Variants in ITGB1 observed in about 807,000 individuals in gnomAD.
ITGB1 encodes integrin beta-1.
Under a neutral mutation model 86.5 loss-of-function variants are expected in ITGB1, and 24 were observed. The observed-to-expected ratio is 0.28, with a 90% confidence interval of 0.20 to 0.39. ITGB1 has a LOEUF of 0.39. Ranked by LOEUF, ITGB1 falls within the 10% of genes least tolerant of loss-of-function variation. The pLI is 1.00. For synonymous variants in ITGB1, 323 were observed against 316.8 expected (o/e 1.02, Z -0.21); for missense variants, 556 against 946.9 (o/e 0.59, Z 5.42).
At chr10:32,908,721 A>AT (rs1010459809) in intron 14 of ITGB1, among the ~76,000 whole-genome samples, 187 bp from the exon 15 acceptor site, 59 of 151,988 alleles carry the variant, frequency 3.9e-4, no homozygotes, top group Non-Finnish European at 6.5e-4. Context: ...AAAATCATGT[A>AT]TTTTTCTATA....
intron 1 of ITGB1, among the ~76,000 whole-genome samples, chr10:32,946,762 G>A (rs1259362246): frequency 3.6e-5 from 2 of 55,246 alleles, no homozygotes; most frequent in South Asian, 1.2e-3. Context: ...GGGGGGGGGG[G>A]GGATTATTTT....
At chr10:32,919,093 G>A (rs558765748) in intron 11 of ITGB1, among the ~76,000 whole-genome samples, 423 of 152,298 alleles carry the variant, frequency 2.8e-3, no homozygotes, top group South Asian at 9.3e-3. Flanking sequence ...GTACAACATG[G>A]AAGATAAAGA....
chr10:32,921,163 CAAA>C (rs5784312), intron 9 of ITGB1, among the ~76,000 whole-genome samples: 1 of 121,820 alleles, frequency 8.2e-6, no homozygotes, highest in Non-Finnish European at 1.7e-5. Flanking sequence ...GTAGCCCAGC[CAAA>C]AAAAAAAAAA....
intron 1 of ITGB1, among the ~76,000 whole-genome samples, chr10:32,941,441 A>C (rs1161943969): frequency 6.6e-6 from 1 of 152,252 alleles, no homozygotes; most frequent in Non-Finnish European, 1.5e-5. Flanking sequence ...GCCAAAAGGA[A>C]TCTTGAAGTA....
chr10:32,946,597 C>T (rs1033021126), intron 1 of ITGB1, among the ~76,000 whole-genome samples: 1 of 152,102 alleles, frequency 6.6e-6, no homozygotes, highest in African/African-American at 2.4e-5. Flanking sequence ...ACCTGACCAT[C>T]TTCCACAGCA....
In ITGB1 at chr10:32,923,594, G is replaced by C; in HGVS notation, c.933C>G (p.Ser311Arg). 6.2e-7 allele frequency: 1 copy of C among 1,610,954 alleles called. No individual in the cohort carries two copies. Among genetic ancestry groups the C allele is most frequent in the Non-Finnish European group, 8.5e-7 (1 of 1,178,390 alleles). Residue 311 changes from serine (S) to arginine (R), a missense_variant, in exon 7 of 16, where the codon AGC becomes AGG. Physicochemically the swap from Ser to Arg is moderately radical, Grantham distance 110 (BLOSUM62 -1). This residue lies in a region of ITGB1 where 330 missense variants were observed against 531.5 expected (regional missense o/e 0.62). Coordinates refer to ENST00000302278, the MANE Select transcript of ITGB1 (RefSeq NM_002211.4). ...CHLENNMYTMSHYYDYPSIAH... is the reference protein window; with the variant it reads ...CHLENNMYTMRHYYDYPSIAH... The stretch of plus-strand genomic sequence containing the variant: ...GGAACCAGGCACTTACATAATAATG[G>C]CTCATTGTGTACATATTATTTTCCA...
chr10:32,919,996 T>A lies in ITGB1; in HGVS notation c.1358A>T (p.Glu453Val), dbSNP rs199980084. 1.2e-6 allele frequency: 2 copies of A among 1,613,872 alleles called. No homozygotes were observed. The highest frequency in any genetic ancestry group is 1.7e-6 in the Non-Finnish European group (2 of 1,179,872). The change falls in exon 11 of 16, where the codon GAA becomes GTA. Residue 453 changes from glutamate (E) to valine (V), a missense_variant. Coordinates refer to ENST00000302278, the MANE Select transcript of ITGB1 (RefSeq NM_002211.4). ...GATGTACTGAAGAATAACCTCTACTTCCTCCGTAAAGCCCAGAGGCCTAAT... is the reference window on the plus strand; with the variant it reads ...GATGTACTGAAGAATAACCTCTACTACCTCCGTAAAGCCCAGAGGCCTAAT... ...FKIRPLGFTE[E>V]VEVILQYICE...
intron 1 of ITGB1, among the ~76,000 whole-genome samples, chr10:32,948,032 A>G (rs2095035446): frequency 1.3e-5 from 2 of 151,730 alleles, no homozygotes; most frequent in Admixed American, 6.6e-5. Context: ...AATTGTAATT[A>G]TAACCAGAAA....
At chr10:32,953,267 TA>T (rs2095046062) in intron 1 of ITGB1, among the ~76,000 whole-genome samples, 1 of 152,218 alleles carries the variant, frequency 6.6e-6, no homozygotes, top group South Asian at 2.1e-4. Context: ...GTACATTGTA[TA>T]AAACACTCTT....
intron 3 of ITGB1, 62 bp from the exon 4 acceptor site, chr10:32,930,106 A>G (rs986735109): frequency 6.6e-6 from 5 of 758,670 alleles, no homozygotes; most frequent in East Asian, 2.5e-5. Flanking sequence ...TTTTTACATA[A>G]TAATTGCAAA....
At chr10:32,902,564 T>C (rs2094884633) in intron 15 of ITGB1, among the ~76,000 whole-genome samples, 2 of 152,150 alleles carry the variant, frequency 1.3e-5, no homozygotes, top group South Asian at 4.1e-4. Flanking sequence ...TTACAGTGAG[T>C]ACAAATAAAA....
At chr10:32,947,057 G>A (rs79551885) in intron 1 of ITGB1, among the ~76,000 whole-genome samples, 1 of 151,894 alleles carries the variant, frequency 6.6e-6, no homozygotes, top group South Asian at 2.1e-4. Context: ...TGGCCAGGCT[G>A]GTCTCAAACT....
At chr10:32,929,544 T>C (rs184606561) in intron 4 of ITGB1, among the ~76,000 whole-genome samples, 38 of 152,318 alleles carry the variant, frequency 2.5e-4, no homozygotes, top group African/African-American at 8.4e-4. Flanking sequence ...GGATGAACAC[T>C]TTCATTTTTA....
intron 1 of ITGB1, among the ~76,000 whole-genome samples, chr10:32,946,554 G>A (rs2095031592): frequency 6.6e-6 from 1 of 152,098 alleles, no homozygotes; most frequent in South Asian, 2.1e-4. Context: ...TGACCTGGTA[G>A]GAGAAGTGGG....
At chr10:32,923,825 G>GT in intron 6 of ITGB1, 85 bp from the exon 7 acceptor site, 2 of 1,109,502 alleles carry the variant, frequency 1.8e-6, no homozygotes, top group Non-Finnish European at 2.6e-6. Flanking sequence ...GGCCACCATT[G>GT]TATTTTTAAC....
chr10:32,921,780 T>C (rs983864845), intron 9 of ITGB1, among the ~76,000 whole-genome samples: 3 of 152,130 alleles, frequency 2.0e-5, no homozygotes, highest in African/African-American at 7.2e-5. Flanking sequence ...ATATATTTTA[T>C]GGTATACGTA....
chr10:32,903,832 C>T (rs1221044084), intron 15 of ITGB1, among the ~76,000 whole-genome samples: 1 of 152,088 alleles, frequency 6.6e-6, no homozygotes, highest in African/African-American at 2.4e-5. Context: ...TCTTAAAAAG[C>T]CAGAGTGCAA....
Position 32,901,487 on chromosome 10 carries a change from C to T in ITGB1, c.*83G>A. 1 of 847,534 alleles carries T rather than the reference C, an allele frequency of 1.2e-6. No homozygotes were observed. Among genetic ancestry groups the T allele is most frequent in the Non-Finnish European group, 1.9e-6 (1 of 525,884 alleles). 52.5% of individuals were successfully genotyped at this position (847,534 alleles called of 1,614,324 possible). On this transcript the variant is annotated 3_prime_UTR_variant, in exon 16 of 16. Coordinates refer to ENST00000302278, the MANE Select transcript of ITGB1 (RefSeq NM_002211.4). ...AACCTGCACATGAGTAAAACCATGG[C>T]AATATTGCCCTAAAGCTACCTAACT...
Position 32,929,903 on chromosome 10 carries a change from T to C in ITGB1, c.295A>G (p.Ser99Gly). ...TTGAGCTTCTCTGCTGTTCCTTTGC[T>C]ACGGTTGGTTACATTTTTATTTTTC... Reference protein sequence around the residue: ...IKKNKNVTNRSKGTAEKLKPE... With the variant: ...IKKNKNVTNRGKGTAEKLKPE... The change falls in exon 4 of 16, where the codon AGC becomes GGC. Residue 99 changes from serine (S) to glycine (G), a missense_variant. Physicochemically the swap from Ser to Gly is moderately conservative, Grantham distance 56. Transcript: ENST00000302278. The C allele has an allele frequency of 6.2e-7, 1 of 1,611,740 alleles. No homozygotes were observed. Among genetic ancestry groups the C allele is most frequent in the East Asian group, 2.2e-5 (1 of 44,868 alleles).
Sources: allele counts gnomAD v4.1 joint callset (sites outside exome capture counted in the v4.1 genomes callset), GRCh38; gene constraint gnomAD v4.1.1; regional missense constraint gnomAD v4.1.1; transcripts MANE v1.5; gene names NCBI Gene and HGNC (gene_info 2026-07-23, HGNC 2026-07-21).